The following RUNDC3B variants were observed in gnomAD, a reference collection of about 807,000 sequenced individuals.
RUNDC3B encodes RUN domain containing 3B, also known as RUN domain-containing protein 3B.
RUNDC3B carries 33 observed loss-of-function variants against 58.4 expected under a neutral mutation model. That is an observed-to-expected ratio of 0.56 (90% CI 0.43 to 0.75). RUNDC3B has a LOEUF of 0.75. RUNDC3B is among the 30% of genes least tolerant of loss of function. The pLI is 0.00. For synonymous variants in RUNDC3B, 193 were observed against 195.2 expected (o/e 0.99, Z 0.10); for missense variants, 501 against 535.7 (o/e 0.94, Z 0.64).
At chr7:87,708,912 C>A (rs1207809722) in intron 3 of RUNDC3B, among the ~76,000 whole-genome samples, 4 of 152,124 alleles carry the variant, frequency 2.6e-5, no homozygotes, top group African/African-American at 9.7e-5. Flanking sequence ...ATTTTTAAAT[C>A]TTGATTACTT....
At chr7:87,720,995 T>C (rs1471096601) in intron 4 of RUNDC3B, among the ~76,000 whole-genome samples, 1 of 151,196 alleles carries the variant, frequency 6.6e-6, no homozygotes, top group Non-Finnish European at 1.5e-5. Flanking sequence ...AAATGTCCAA[T>C]TAAATGTATA....
At chr7:87,724,796 T>C (rs1368303812) in intron 4 of RUNDC3B, among the ~76,000 whole-genome samples, 1 of 152,092 alleles carries the variant, frequency 6.6e-6, no homozygotes, top group African/African-American at 2.4e-5. Context: ...TAGTTCATAG[T>C]ATTTGTGTAT....
intron 1 of RUNDC3B, among the ~76,000 whole-genome samples, chr7:87,636,471 C>G (rs959590233): frequency 5.3e-5 from 8 of 152,164 alleles, no homozygotes; most frequent in East Asian, 1.9e-4. Context: ...GTATGGGAAT[C>G]TTTTGTTGGA....
chr7:87,758,316 A>G (rs1243508163), intron 6 of RUNDC3B, among the ~76,000 whole-genome samples: 2 of 152,106 alleles, frequency 1.3e-5, no homozygotes, highest in Non-Finnish European at 2.9e-5. Context: ...AGCAAAACCC[A>G]GACTCAAAAA....
At chr7:87,809,323 A>G (rs1301539808) in intron 9 of RUNDC3B, among the ~76,000 whole-genome samples, 2 of 152,260 alleles carry the variant, frequency 1.3e-5, no homozygotes, top group Non-Finnish European at 2.9e-5. Context: ...GTATGGCCCT[A>G]TCTCAAAACT....
intron 10 of RUNDC3B, among the ~76,000 whole-genome samples, chr7:87,822,179 T>C (rs956254773): frequency 2.6e-5 from 4 of 151,900 alleles, no homozygotes; most frequent in Admixed American, 6.6e-5. Context: ...TACAATGAAC[T>C]CAAACAAATT....
chr7:87,807,605 T>C, intron 9 of RUNDC3B, 86 bp downstream of exon 9: 1 of 938,468 alleles, frequency 1.1e-6, no homozygotes, highest in East Asian at 2.5e-5. Flanking sequence ...TCAGTTATTC[T>C]TTCTGAACTT....
At chr7:87,822,458 A>T (rs1837523368) in intron 10 of RUNDC3B, among the ~76,000 whole-genome samples, 1 of 152,238 alleles carries the variant, frequency 6.6e-6, no homozygotes, top group African/African-American at 2.4e-5. Flanking sequence ...AACTAGTTCA[A>T]CCATTGTGGA....
rs553563779 is a variant in RUNDC3B, at chr7:87,643,927, C to T, written c.123-6895C>T. On this transcript the variant is annotated intron_variant, in intron 1 of 10. Transcript: ENST00000394654. ...AGGCTGGAGTGCACTGGCACCATCT[C>T]GGCTCACTGCAACCTGTTCCTCCCA... 3.7e-3 allele frequency among the ~76,000 whole-genome samples: 559 copies of T among 151,980 alleles called. 1 individual carries two copies. Among genetic ancestry groups the T allele is most frequent in the Non-Finnish European group, 6.0e-3 (409 of 67,958 alleles).
At chr7:87,736,843 GTATATATATACCTATATATA>G (rs1831966592) in intron 4 of RUNDC3B, among the ~76,000 whole-genome samples, 2 of 101,496 alleles carry the variant, frequency 2.0e-5, no homozygotes, top group South Asian at 7.0e-4. Flanking sequence ...ATGTATGTGT[GTATATATATACCTATATATA>G]TATATATATA....
At chr7:87,632,661 A>C (rs1416631405) in intron 1 of RUNDC3B, among the ~76,000 whole-genome samples, 1 of 152,122 alleles carries the variant, frequency 6.6e-6, no homozygotes, top group Non-Finnish European at 1.5e-5. Context: ...AGATTTTTTT[A>C]ACTTGCATTT....
At chr7:87,765,396 A>G (rs1833923420) in intron 6 of RUNDC3B, among the ~76,000 whole-genome samples, 1 of 151,742 alleles carries the variant, frequency 6.6e-6, no homozygotes, top group African/African-American at 2.4e-5. Context: ...TTTGGTTGCT[A>G]ATTTGAGATC....
chr7:87,760,211 T>A (rs573308985), intron 6 of RUNDC3B, among the ~76,000 whole-genome samples: 1 of 152,276 alleles, frequency 6.6e-6, no homozygotes, highest in East Asian at 1.9e-4. Flanking sequence ...ATTAGCCACA[T>A]GTGGCATTCA....
chr7:87,634,627 C>CA lies in RUNDC3B; in HGVS notation c.122+5692dup, dbSNP rs1158146732. On this transcript the variant is annotated intron_variant, in intron 1 of 10. Transcript: ENST00000394654. ...GGGAGAAAGAGTGAGACTCTTGTCTCAAAAAAAAAAGAAAAAAAAAAGAAC... is the reference window on the plus strand; with the variant it reads ...GGGAGAAAGAGTGAGACTCTTGTCTCAAAAAAAAAAAGAAAAAAAAAAGAAC... Among the ~76,000 whole-genome samples, 290 of 118,826 alleles carry CA rather than the reference C, an allele frequency of 2.4e-3. 1 individual carries two copies. The highest frequency in any genetic ancestry group is 0.012 in the Admixed American group (133 of 11,492). The allele number at this position is 118,826 out of a possible 152,430, so 78.0% of individuals were successfully genotyped here. A position where few individuals can be genotyped will look rare whatever the true frequency, so the allele number is the denominator to read the frequency against.
intron 4 of RUNDC3B, among the ~76,000 whole-genome samples, chr7:87,736,436 A>G (rs1395684473): frequency 2.0e-5 from 3 of 152,148 alleles, no homozygotes; most frequent in African/African-American, 4.8e-5. Flanking sequence ...ATATATTTCA[A>G]TTAGAGTTAA....
At chr7:87,728,063 TGACCA>T (rs1488706414) in intron 4 of RUNDC3B, among the ~76,000 whole-genome samples, 1 of 152,206 alleles carries the variant, frequency 6.6e-6, no homozygotes, top group Non-Finnish European at 1.5e-5. Flanking sequence ...AGGGCTTATA[TGACCA>T]GATTACAATA....
intron 6 of RUNDC3B, among the ~76,000 whole-genome samples, chr7:87,755,620 C>A (rs1205973437): frequency 6.6e-6 from 1 of 152,080 alleles, no homozygotes; most frequent in African/African-American, 2.4e-5. Flanking sequence ...AAGACAAAAA[C>A]CAATGATTAT....
In RUNDC3B at chr7:87,823,055, T is replaced by A. The variant is rs1837577844; in HGVS notation, c.1225+6793T>A. ...AAGTATAATAATAATAAAATAAAAT[T>A]AAAAAAAAAGATCACATGTGTAAAC... is the stretch of plus-strand genomic sequence containing the variant. On this transcript the variant is annotated intron_variant, in intron 10 of 10. Transcript: ENST00000394654. 2.0e-5 allele frequency among the ~76,000 whole-genome samples: 3 copies of A among 150,886 alleles called. No individual in the cohort carries two copies. In the South Asian group the frequency reaches 6.3e-4, roughly 32 times the overall value.
intron 7 of RUNDC3B, among the ~76,000 whole-genome samples, chr7:87,773,525 C>T (rs933985138): frequency 1.3e-5 from 2 of 151,952 alleles, no homozygotes; most frequent in African/African-American, 2.4e-5. Context: ...TAGTGAACTT[C>T]GATTAACACA....
Sources: gnomAD v4.1 joint callset for allele counts (sites outside exome capture counted in the v4.1 genomes callset) on GRCh38, gnomAD v4.1.1 for gene constraint, MANE v1.5 for transcripts, NCBI Gene and HGNC (gene_info 2026-07-23, HGNC 2026-07-21) for gene names.